Variants in C1orf87 observed in about 807,000 individuals in gnomAD.
C1orf87 encodes the protein chromosome 1 open reading frame 87, also known as uncharacterized protein C1orf87.
Under a neutral mutation model 60.5 loss-of-function variants are expected in C1orf87, and 58 were observed. That is an observed-to-expected ratio of 0.96 (90% CI 0.78 to 1.19). C1orf87 has a LOEUF of 1.19. Ranked by LOEUF, C1orf87 falls within the 50% of genes most tolerant of loss-of-function variation. The pLI is 0.00. For synonymous variants in C1orf87, 236 were observed against 227.4 expected (o/e 1.04, Z -0.34); for missense variants, 673 against 638.6 (o/e 1.05, Z -0.58).
At chr1:60,063,518 A>G (rs1310448511) in intron 2 of C1orf87, among the ~76,000 whole-genome samples, 1 of 152,074 alleles carries the variant, frequency 6.6e-6, no homozygotes, top group South Asian at 2.1e-4. Flanking sequence ...ACAAAATCCA[A>G]AGTTTCTACT....
chr1:60,042,894 G>A (rs1438765756), intron 3 of C1orf87, among the ~76,000 whole-genome samples: 1 of 152,196 alleles, frequency 6.6e-6, no homozygotes, highest in African/African-American at 2.4e-5. Flanking sequence ...GGGATTCTAA[G>A]GGCCACTCTC....
At chr1:60,046,784 T>C (rs1449825561) in intron 3 of C1orf87, among the ~76,000 whole-genome samples, 1 of 152,168 alleles carries the variant, frequency 6.6e-6, no homozygotes, top group African/African-American at 2.4e-5. Flanking sequence ...GCCCCTTTCA[T>C]CATTATTTTT....
intron 11 of C1orf87, among the ~76,000 whole-genome samples, chr1:59,995,085 T>C (rs1200984332): frequency 1.3e-5 from 2 of 152,196 alleles, no homozygotes; most frequent in Non-Finnish European, 2.9e-5. Context: ...TTCAAATCTG[T>C]CGGAATCTGC....
intron 6 of C1orf87, among the ~76,000 whole-genome samples, chr1:60,034,153 A>C (rs1449170081): frequency 2.6e-5 from 4 of 152,040 alleles, no homozygotes; most frequent in Admixed American, 2.6e-4. Context: ...ATTAACCTTG[A>C]CTCTGCTCCT....
At chr1:60,019,904 G>C (rs1221091613) in intron 8 of C1orf87, among the ~76,000 whole-genome samples, 1 of 152,184 alleles carries the variant, frequency 6.6e-6, no homozygotes, top group South Asian at 2.1e-4. Context: ...CATTTACAAA[G>C]AGATGGTCTA....
At chr1:60,045,816 C>T (rs915007882) in intron 3 of C1orf87, among the ~76,000 whole-genome samples, 2 of 152,146 alleles carry the variant, frequency 1.3e-5, no homozygotes, top group Non-Finnish European at 2.9e-5. Context: ...TGAATAAGTC[C>T]TCCAGTAATT....
chr1:60,026,259 G>T (rs1237414032), intron 7 of C1orf87, among the ~76,000 whole-genome samples: 3 of 152,152 alleles, frequency 2.0e-5, no homozygotes, highest in Non-Finnish European at 4.4e-5. Flanking sequence ...GCACAGATCT[G>T]CTGCCTGTGA....
At chr1:59,996,048 A>C (rs913853566) in intron 11 of C1orf87, among the ~76,000 whole-genome samples, 4 of 152,136 alleles carry the variant, frequency 2.6e-5, no homozygotes, top group Non-Finnish European at 5.9e-5. Context: ...GAATCTTTCA[A>C]TTAAAATTTT....
rs1163133179 is a variant in C1orf87, at chr1:59,990,743, G to A, written c.1571C>T (p.Ala524Val). 5 of 1,613,996 alleles carry A rather than the reference G, an allele frequency of 3.1e-6. No individual in the cohort carries two copies. In the African/African-American group the frequency reaches 5.3e-5, roughly 17 times the overall value. The change falls in exon 12 of 12, where the codon GCC becomes GTC. Residue 524 changes from alanine (A) to valine (V), a missense_variant. By Grantham distance (64) the Ala-to-Val change is moderately conservative. Transcript: ENST00000371201. ...TTCTCCCGAACGGAATCTGCGCAAGGCCTGGTCGATTTTCTGAGGGCTCAG... is the reference window on the plus strand; with the variant it reads ...TTCTCCCGAACGGAATCTGCGCAAGACCTGGTCGATTTTCTGAGGGCTCAG... ...LSLSPQKIDQ[A>V]LRRFRSGENM...
intron 8 of C1orf87, among the ~76,000 whole-genome samples, chr1:60,025,189 A>G (rs1490646016): frequency 6.6e-6 from 1 of 152,178 alleles, no homozygotes; most frequent in East Asian, 1.9e-4. Flanking sequence ...GTATCTTCAC[A>G]TGGCAGAGAC....
At chr1:60,060,474 C>T (rs1645487921) in intron 2 of C1orf87, among the ~76,000 whole-genome samples, 2 of 152,202 alleles carry the variant, frequency 1.3e-5, no homozygotes, top group South Asian at 4.2e-4. Flanking sequence ...ACACACACTC[C>T]TCATCACTCA....
chr1:60,029,689 G>A (rs1004316336), intron 7 of C1orf87, among the ~76,000 whole-genome samples: 31 of 136,688 alleles, frequency 2.3e-4, no homozygotes, highest in African/African-American at 8.4e-4. Flanking sequence ...CACCCAGGCT[G>A]GAGTGCAGTG....
chr1:60,010,391 C>G lies in C1orf87; in HGVS notation c.1192+1G>C. 1.9e-6 allele frequency: 3 copies of G among 1,611,856 alleles called. No individual in the cohort carries two copies. The highest frequency in any genetic ancestry group is 2.5e-6 in the Non-Finnish European group (3 of 1,178,490). Reference sequence around the variant, plus strand: ...TGGAGCAAAAAAATAATGGAACTCACCTGTAGGCAAATCAGATAACAAATC... The same window carrying G: ...TGGAGCAAAAAAATAATGGAACTCAGCTGTAGGCAAATCAGATAACAAATC... On this transcript the variant is annotated splice_donor_variant, in intron 9 of 11. Transcript: ENST00000371201. LOFTEE classifies it high-confidence loss of function.
intron 2 of C1orf87, among the ~76,000 whole-genome samples, chr1:60,064,660 T>C (rs1160579871): frequency 1.8e-5 from 2 of 108,678 alleles, no homozygotes; most frequent in Non-Finnish European, 3.5e-5. Flanking sequence ...ATATATTAAA[T>C]ATATAATTAT....
At chr1:60,021,511 C>T (rs969597152) in intron 8 of C1orf87, among the ~76,000 whole-genome samples, 5 of 152,144 alleles carry the variant, frequency 3.3e-5, no homozygotes, top group East Asian at 1.9e-4. Flanking sequence ...GAAGAATTTA[C>T]GTATCTGCAT....
chr1:60,058,229 G>T (rs1373187415), intron 2 of C1orf87, among the ~76,000 whole-genome samples: 1 of 152,224 alleles, frequency 6.6e-6, no homozygotes, highest in East Asian at 1.9e-4. Flanking sequence ...TAGCCCAGAA[G>T]AAAGCATAAC....
chr1:59,992,590 G>A (rs2100229428), intron 11 of C1orf87, among the ~76,000 whole-genome samples: 1 of 152,240 alleles, frequency 6.6e-6, no homozygotes, highest in Admixed American at 6.5e-5. Context: ...AACTGTAAGA[G>A]TGATGGTGAA....
chr1:60,022,619 T>G (rs1645171436), intron 8 of C1orf87, among the ~76,000 whole-genome samples: 1 of 152,182 alleles, frequency 6.6e-6, no homozygotes, highest in Non-Finnish European at 1.5e-5. Flanking sequence ...AATAGATTTG[T>G]TCTTTCTGTA....
At chr1:60,014,290 A>T (rs1447168342) in intron 8 of C1orf87, among the ~76,000 whole-genome samples, 1 of 152,126 alleles carries the variant, frequency 6.6e-6, no homozygotes, top group Non-Finnish European at 1.5e-5. Context: ...TGGTGAAGGG[A>T]TAGAGTATTT....
Sources: allele counts gnomAD v4.1 joint callset (sites outside exome capture counted in the v4.1 genomes callset), GRCh38; gene constraint gnomAD v4.1.1; transcripts MANE v1.5; gene names NCBI Gene and HGNC (gene_info 2026-07-23, HGNC 2026-07-21).